The following ABCC2 variants were observed in gnomAD, a reference collection of about 807,000 sequenced individuals.
The protein encoded by ABCC2 is ATP-binding cassette sub-family C member 2.
In ABCC2, 157 loss-of-function variants were observed where a neutral mutation model predicts 173.4. The observed-to-expected ratio is 0.91, with a 90% CI of 0.80 to 1.03. The LOEUF is 1.03. Ranked by LOEUF, ABCC2 falls within the 50% of genes least tolerant of loss-of-function variation. The pLI is 0.00. For missense variants in ABCC2, 1,822 were observed against 1,852.3 expected, an observed-to-expected ratio of 0.98 and a Z score of 0.30; for synonymous variants, 657 against 693.5, an observed-to-expected ratio of 0.95 and a Z score of 0.83.
intron 19 of ABCC2, among the ~76,000 whole-genome samples, chr10:99,825,419 A>G (rs1017103991): frequency 1.6e-4 from 24 of 152,212 alleles, no homozygotes; most frequent in Non-Finnish European, 2.5e-4. Context: ...CAACCCTTCA[A>G]ACTGTTTTCC....
chr10:99,794,346 G>C, intron 5 of ABCC2, 67 bp from the exon 6 acceptor site: 1 of 1,400,180 alleles, frequency 7.1e-7, no homozygotes, highest in Non-Finnish European at 1.0e-6. Context: ...ATCAGTTTCT[G>C]ATTTTAGAGT....
chr10:99,807,292 G>A, intron 11 of ABCC2, 92 bp from the exon 12 acceptor site: 1 of 1,495,696 alleles, frequency 6.7e-7, no homozygotes, highest in Non-Finnish European at 9.3e-7. Context: ...CCCACATTTT[G>A]GGGACTATAT....
chr10:99,821,025 C>CAGGGTCACAAGACAATTGTGGGGAG, intron 19 of ABCC2, among the ~76,000 whole-genome samples: 1 of 152,300 alleles, frequency 6.6e-6, no homozygotes, highest in South Asian at 2.1e-4. Flanking sequence ...GGGGATGTGT[C>CAGGGTCACAAGACAATTGTGGGGAG]AGGGTCACAA....
chr10:99,802,843 G>T (rs183620344), intron 9 of ABCC2, among the ~76,000 whole-genome samples: 26 of 152,318 alleles, frequency 1.7e-4, no homozygotes, highest in African/African-American at 6.0e-4. Flanking sequence ...AGGCATTGTT[G>T]TAAGTGACAG....
chr10:99,825,227 G>C (rs930684113), intron 19 of ABCC2, among the ~76,000 whole-genome samples: 1 of 152,082 alleles, frequency 6.6e-6, no homozygotes, highest in Non-Finnish European at 1.5e-5. Flanking sequence ...AGGAATTGAA[G>C]TAATCATTGG....
intron 3 of ABCC2, 43 bp downstream of exon 3, chr10:99,792,402 C>T: frequency 6.2e-7 from 1 of 1,607,640 alleles, no homozygotes; most frequent in African/African-American, 1.3e-5. Flanking sequence ...TTTTCATTAC[C>T]CATAGGCATC....
intron 19 of ABCC2, among the ~76,000 whole-genome samples, chr10:99,820,251 C>T (rs1022932203): frequency 3.3e-5 from 5 of 152,156 alleles, no homozygotes; most frequent in African/African-American, 1.2e-4. Context: ...ATTAGCTGGG[C>T]ATGGTGGCAC....
intron 19 of ABCC2, among the ~76,000 whole-genome samples, chr10:99,824,938 A>G (rs1274216317): frequency 1.3e-3 from 113 of 85,466 alleles, no homozygotes; most frequent in Middle Eastern, 0.011. Flanking sequence ...GGTAGCGGCC[A>G]CTGATTTACC....
At position 99,845,559 on chromosome 10, in the gene ABCC2, A is replaced by C. The variant is rs184841901; in HGVS notation, c.3988-65A>C. The C allele has an allele frequency of 1.1e-4, 168 of 1,592,068 alleles. No homozygotes were observed. The African/African-American group carries it at 1.8e-3, about 17-fold the overall frequency. On this transcript the variant is annotated intron_variant, in intron 28 of 31. Coordinates refer to ENST00000647814, the MANE Select transcript of ABCC2 (RefSeq NM_000392.5). ...TTACCTCCTGTGACTGTGAATGCCCAGGCTAAATAACTTTTCCCCAAGAAT... is the reference window on the plus strand; with the variant it reads ...TTACCTCCTGTGACTGTGAATGCCCCGGCTAAATAACTTTTCCCCAAGAAT...
intron 1 of ABCC2, 70 bp downstream of exon 1, chr10:99,782,947 G>T: frequency 6.5e-7 from 1 of 1,529,272 alleles, no homozygotes; most frequent in East Asian, 2.3e-5. Flanking sequence ...AGTTAACTTA[G>T]GGTGGTCACC....
chr10:99,843,464 T>C (rs561317091), intron 26 of ABCC2, among the ~76,000 whole-genome samples: 19 of 152,324 alleles, frequency 1.2e-4, no homozygotes, highest in Admixed American at 8.5e-4. Flanking sequence ...CTTTCCCTGA[T>C]TCACAAAGAA....
At chr10:99,783,482 A>G (rs1259906981) in intron 1 of ABCC2, among the ~76,000 whole-genome samples, 2 of 152,232 alleles carry the variant, frequency 1.3e-5, no homozygotes, top group Admixed American at 1.3e-4. Flanking sequence ...ATAGGGGCCA[A>G]TCAACAGTAT....
chr10:99,787,930 G>A (rs2132951717), intron 2 of ABCC2, among the ~76,000 whole-genome samples: 1 of 152,208 alleles, frequency 6.6e-6, no homozygotes, highest in East Asian at 1.9e-4. Context: ...AGGCATGGTG[G>A]CATGTGCCTG....
chr10:99,846,447 CCT>C (rs3047481), intron 29 of ABCC2, among the ~76,000 whole-genome samples: 12,246 of 152,226 alleles, frequency 0.08, 764 homozygotes, highest in African/African-American at 0.17. Context: ...ACTATTCTTT[CCT>C]CTACCCTCCT....
In ABCC2 at chr10:99,786,558, T is replaced by C. The variant is rs557930332; in HGVS notation, c.207+1777T>C. On this transcript the variant is annotated intron_variant, in intron 2 of 31. Transcript: ENST00000647814. ...TTATTGAGATATAATGTACATACCA[T>C]ACAGTTCTCTCATTTAATACAATTC... Among the ~76,000 whole-genome samples, 10 of 152,328 alleles carry C rather than the reference T, an allele frequency of 6.6e-5. No individual in the cohort carries two copies. The East Asian group carries it at 1.7e-3, about 26-fold the overall frequency.
chr10:99,789,723 A>AG (rs1453486006), intron 2 of ABCC2, among the ~76,000 whole-genome samples: 29 of 148,652 alleles, frequency 2.0e-4, no homozygotes, highest in Non-Finnish European at 2.8e-4. Flanking sequence ...AAAAAAAAAA[A>AG]AAAGAAAAAG....
intron 2 of ABCC2, among the ~76,000 whole-genome samples, chr10:99,788,305 T>C (rs2037753766): frequency 6.6e-6 from 1 of 152,224 alleles, no homozygotes; most frequent in African/African-American, 2.4e-5. Context: ...TTCTCTCTTT[T>C]TGTGGATATT....
chr10:99,810,797 G>T lies in ABCC2; in HGVS notation c.1900+579G>T, dbSNP rs572120974. Among the ~76,000 whole-genome samples the T allele has an allele frequency of 5.5e-4, 83 of 152,290 alleles. 2 individuals are homozygous for T. The South Asian group carries it at 0.017, about 31-fold the overall frequency. On this transcript the variant is annotated intron_variant, in intron 14 of 31. Transcript: ENST00000647814. The stretch of plus-strand genomic sequence containing the variant: ...CCCAGCATTTTGGAAGGCCGAGGTG[G>T]GTGGATCACCTGAGGTCAGGAGTTC...
intron 10 of ABCC2, 125 bp downstream of exon 10, chr10:99,804,398 TCAA>T: frequency 7.8e-7 from 1 of 1,280,354 alleles, no homozygotes; most frequent in Non-Finnish European, 1.1e-6. Context: ...TTCTACCATC[TCAA>T]TTGTACTTAG....
Sources: gnomAD v4.1 joint callset for allele counts (sites outside exome capture counted in the v4.1 genomes callset) on GRCh38, gnomAD v4.1.1 for gene constraint, MANE v1.5 for transcripts, NCBI Gene and HGNC (gene_info 2026-07-23, HGNC 2026-07-21) for gene names.